CABCOCO1: variants seen among roughly 807,000 people sequenced by gnomAD.
CABCOCO1 encodes the protein ciliary-associated calcium-binding coiled-coil protein 1.
CABCOCO1 carries 28 observed loss-of-function variants against 35.7 expected under a neutral mutation model. That is an observed-to-expected ratio of 0.78 (90% confidence interval 0.58 to 1.07). The LOEUF is 1.07. CABCOCO1 is among the 50% of genes least tolerant of loss of function. CABCOCO1 has a pLI of 0.00. For synonymous variants in CABCOCO1, 95 were observed against 100.1 expected, an observed-to-expected ratio of 0.95 and a Z score of 0.30; for missense variants, 326 against 309.2, an observed-to-expected ratio of 1.05 and a Z score of -0.41.
chr10:61,759,796 A>G (rs1021255114), intron 5 of CABCOCO1, among the ~76,000 whole-genome samples: 5 of 152,068 alleles, frequency 3.3e-5, no homozygotes, highest in Non-Finnish European at 7.4e-5. Flanking sequence ...CAAAACAGTT[A>G]AGAACGAGGA....
intron 4 of CABCOCO1, among the ~76,000 whole-genome samples, chr10:61,687,291 G>A (rs986136809): frequency 2.0e-5 from 3 of 152,180 alleles, no homozygotes; most frequent in African/African-American, 4.8e-5. Context: ...TTAAAGCAAA[G>A]CAAGGTCCTT....
chr10:61,747,441 A>G (rs1234318034), intron 5 of CABCOCO1, among the ~76,000 whole-genome samples: 1 of 152,146 alleles, frequency 6.6e-6, no homozygotes, highest in East Asian at 1.9e-4. Context: ...TACAACCTTC[A>G]TCTTTTCCTG....
At chr10:61,765,700 G>T (rs1436452796) in intron 7 of CABCOCO1, among the ~76,000 whole-genome samples, 1 of 152,184 alleles carries the variant, frequency 6.6e-6, no homozygotes, top group East Asian at 1.9e-4. Context: ...GTGAAAAATG[G>T]CTGTCCAAAT....
At chr10:61,702,467 A>G (rs1282576429) in intron 5 of CABCOCO1, among the ~76,000 whole-genome samples, 1 of 152,198 alleles carries the variant, frequency 6.6e-6, no homozygotes, top group Non-Finnish European at 1.5e-5. Flanking sequence ...TGGAGTGGAT[A>G]AATGCAGTTG....
At chr10:61,665,691 T>A (rs1182335786) in intron 1 of CABCOCO1, among the ~76,000 whole-genome samples, 1 of 151,732 alleles carries the variant, frequency 6.6e-6, no homozygotes. Flanking sequence ...ATCGAGACCA[T>A]CCTGGCTAAC....
intron 5 of CABCOCO1, among the ~76,000 whole-genome samples, chr10:61,754,458 G>A (rs193068351): frequency 1.3e-5 from 2 of 152,154 alleles, no homozygotes; most frequent in African/African-American, 2.4e-5. Flanking sequence ...ATTGTCTGAG[G>A]TCATTAAAAT....
chr10:61,726,321 A>G (rs547036067), intron 5 of CABCOCO1, among the ~76,000 whole-genome samples: 1 of 152,256 alleles, frequency 6.6e-6, no homozygotes, highest in African/African-American at 2.4e-5. Context: ...AAAATTATAA[A>G]CTTGTGCATA....
chr10:61,681,850 G>A (rs1330920702), intron 3 of CABCOCO1, among the ~76,000 whole-genome samples: 3 of 152,072 alleles, frequency 2.0e-5, no homozygotes, highest in African/African-American at 7.2e-5. Flanking sequence ...ACAAAGAAAT[G>A]CTGGAAGATA....
intron 5 of CABCOCO1, among the ~76,000 whole-genome samples, chr10:61,700,955 A>G (rs1840441343): frequency 6.6e-6 from 1 of 151,790 alleles, no homozygotes; most frequent in Non-Finnish European, 1.5e-5. Context: ...ACATGTATAC[A>G]TATACATACA....
chr10:61,749,154 G>C (rs887307161), intron 5 of CABCOCO1, among the ~76,000 whole-genome samples: 3 of 152,096 alleles, frequency 2.0e-5, no homozygotes, highest in African/African-American at 7.2e-5. Flanking sequence ...TGATTTAAAT[G>C]GCCTCCAGAA....
At chr10:61,678,670 C>T (rs901571989) in intron 2 of CABCOCO1, among the ~76,000 whole-genome samples, 2 of 152,114 alleles carry the variant, frequency 1.3e-5, no homozygotes, top group South Asian at 4.2e-4. Context: ...CTTAGGGTTA[C>T]AAGATAACTG....
chr10:61,760,147 T>G lies in CABCOCO1; in HGVS notation c.641T>G (p.Ile214Arg). The G allele has an allele frequency of 6.2e-7, 1 of 1,612,148 alleles. No individual in the cohort carries two copies. The highest frequency in any genetic ancestry group is 8.5e-7 in the Non-Finnish European group (1 of 1,178,566). Residue 214 changes from isoleucine to arginine, a missense_variant, in exon 6 of 8, where the codon ATA becomes AGA. Ile to Arg is a moderately conservative substitution (Grantham distance 97). Transcript: ENST00000648843. ...GISFDIYSTFIEPPTILDTEM... is the reference protein window; with the variant it reads ...GISFDIYSTFREPPTILDTEM... ...TCATTTGATATTTATTCAACATTCA[T>G]AGAGCCCCCCACAATATTGGATACG...
In CABCOCO1 at chr10:61,663,032, G is replaced by C; in HGVS notation, c.60G>C (p.Glu20Asp). 1 of 161,120 alleles carries C rather than the reference G, an allele frequency of 6.2e-6. No homozygotes were observed. Among genetic ancestry groups the C allele is most frequent in the Non-Finnish European group, 1.5e-5 (1 of 68,878 alleles). The allele number at this position is 161,120 out of a possible 1,614,324, so 10.0% of individuals were successfully genotyped here. A position where few individuals can be genotyped will look rare whatever the true frequency, so the allele number is the denominator to read the frequency against. The part of the protein sequence containing the change: ...PTPAGTTPES[E>D]RDTEFQEHEK... ...CGGCGGGAACCACGCCCGAATCGGA[G>C]GTACACCGCCCCTTTCCCTTCCCGG... is the stretch of plus-strand genomic sequence containing the variant. Residue 20 changes from glutamate to aspartate, a missense_variant and splice_region_variant, in exon 1 of 8, where the codon GAG becomes GAC. Physicochemically the swap from Glu to Asp is conservative, Grantham distance 45. Transcript: ENST00000648843.
Position 61,743,027 on chromosome 10 carries a change from G to A in CABCOCO1, c.553-17032G>A, listed in dbSNP as rs926701198. On this transcript the variant is annotated intron_variant, in intron 5 of 7. Transcript: ENST00000648843. ...TGTGCTAAAACAATTCATGTGTCAT[G>A]AACAAAGCAGCCGCAGATTTTAGCT... 7.2e-5 allele frequency among the ~76,000 whole-genome samples: 11 copies of A among 152,286 alleles called. No homozygotes were observed. In the South Asian group the frequency reaches 8.3e-4, roughly 11 times the overall value.
In CABCOCO1 at chr10:61,726,315, T is replaced by G. The variant is rs184568379; in HGVS notation, c.553-33744T>G. 1.5e-3 allele frequency among the ~76,000 whole-genome samples: 226 copies of G among 152,284 alleles called. 1 individual carries two copies. Among genetic ancestry groups the G allele is most frequent in the African/African-American group, 4.3e-3 (177 of 41,574 alleles). ...TATAAGGCTACGTACCAATTAAAAA[T>G]TATAAACTTGTGCATATTCACAGGA... On this transcript the variant is annotated intron_variant, in intron 5 of 7. Coordinates refer to ENST00000648843, the MANE Select transcript of CABCOCO1 (RefSeq NM_001366906.2).
chr10:61,751,178 T>TTGCTTTGCTTCGCTC (rs1841774229), intron 5 of CABCOCO1, among the ~76,000 whole-genome samples: 2 of 150,666 alleles, frequency 1.3e-5, no homozygotes, highest in South Asian at 4.2e-4. Flanking sequence ...CCTCCACCCC[T>TTGCTTTGCTTCGCTC]TGCTTTGCTT....
intron 5 of CABCOCO1, among the ~76,000 whole-genome samples, chr10:61,693,688 C>T (rs1840217357): frequency 6.6e-6 from 1 of 152,022 alleles, no homozygotes; most frequent in Admixed American, 6.6e-5. Flanking sequence ...ATATATTGCT[C>T]TTGCAATTTG....
At chr10:61,674,313 G>A (rs1002035849) in intron 2 of CABCOCO1, among the ~76,000 whole-genome samples, 2 of 152,082 alleles carry the variant, frequency 1.3e-5, no homozygotes, top group Non-Finnish European at 2.9e-5. Context: ...GCAGAAGTTA[G>A]CAATATAAAA....
At chr10:61,737,322 A>G (rs774579740) in intron 5 of CABCOCO1, among the ~76,000 whole-genome samples, 3 of 152,208 alleles carry the variant, frequency 2.0e-5, no homozygotes, top group Non-Finnish European at 4.4e-5. Context: ...GAGGTTGCAG[A>G]GAAAAGGGAA....
Sources: allele counts gnomAD v4.1 joint callset (sites outside exome capture counted in the v4.1 genomes callset), GRCh38; gene constraint gnomAD v4.1.1; transcripts MANE v1.5; gene names NCBI Gene and HGNC (gene_info 2026-07-23, HGNC 2026-07-21).